The following STKLD1 variants were observed in gnomAD, a reference collection of about 807,000 sequenced individuals.
The protein encoded by STKLD1 is serine/threonine kinase like domain containing 1.
Under a neutral mutation model 80.4 loss-of-function variants are expected in STKLD1, and 79 were observed. That is an observed-to-expected ratio of 0.98 (90% CI 0.82 to 1.19). STKLD1 has a LOEUF of 1.19. Among genes scored for constraint, STKLD1 ranks in the 50% most tolerant of loss-of-function variants. The pLI, the probability that STKLD1 is intolerant of heterozygous loss-of-function variation, is 0.00. For synonymous variants in STKLD1, 393 were observed against 357.6 expected (o/e 1.10, Z -1.12); for missense variants, 841 against 856.0 (o/e 0.98, Z 0.22).
chr9:133,394,230 G>C lies in STKLD1; in HGVS notation c.584-61G>C. ...ATACAGTGCTGGGCAGGGTGACTCT[G>C]TCAAGCCCCTGCCCCCAGGGAGCAA... is the stretch of plus-strand genomic sequence containing the variant. On this transcript the variant is annotated intron_variant, in intron 7 of 17. Coordinates refer to ENST00000371957, the MANE Select transcript of STKLD1 (RefSeq NM_153710.5). The surrounding 1 kb of genome is among the most constrained non-coding windows in gnomAD (Gnocchi z 4.9). 8.5e-7 allele frequency: 1 copy of C among 1,181,076 alleles called. No individual in the cohort carries two copies. The highest frequency in any genetic ancestry group is 1.2e-5 in the South Asian group (1 of 82,228). The allele number at this position is 1,181,076 out of a possible 1,614,324, so 73.2% of individuals were successfully genotyped here.
rs1361012009 is a variant in STKLD1 at position 133,384,864 on chromosome 9, G to C, written c.220-753G>C. ...CGAGTAGCCTTTCTTTGTGTTTCTT[G>C]AATTTCCCACGAGCTTGAAGGTGTC... On this transcript the variant is annotated intron_variant, in intron 3 of 17. Transcript: ENST00000371957. This position sits in a 1 kb window ranked among gnomAD's most constrained non-coding sequence, Gnocchi z 4.3. 3 of 152,200 alleles carry C rather than the reference G, an allele frequency of 2.0e-5. No homozygotes were observed. The highest frequency in any genetic ancestry group is 6.5e-5 in the Admixed American group (1 of 15,280). The allele number at this position is 152,200 out of a possible 1,614,324, so 9.4% of individuals were successfully genotyped here.
rs782457276 is a variant in STKLD1 at position 133,405,472 on chromosome 9, G to A, written c.*51G>A. ...CTCCACGTGTATAGTTTTCAAGACTGCTCTCCTGCCTGCCTATTATCCCAT... is the reference window on the plus strand; with the variant it reads ...CTCCACGTGTATAGTTTTCAAGACTACTCTCCTGCCTGCCTATTATCCCAT... On this transcript the variant is annotated 3_prime_UTR_variant, in exon 18 of 18. Coordinates refer to ENST00000371957, the MANE Select transcript of STKLD1 (RefSeq NM_153710.5). The A allele has an allele frequency of 2.6e-6, 4 of 1,521,596 alleles. No homozygotes were observed. Among genetic ancestry groups the A allele is most frequent in the African/African-American group, 2.8e-5 (2 of 72,334 alleles). The allele number at this position is 1,521,596 out of a possible 1,614,324, so 94.3% of individuals were successfully genotyped here.
At position 133,390,739 on chromosome 9, in the gene STKLD1, C is replaced by A; in HGVS notation, c.526C>A (p.Leu176Met). The A allele has an allele frequency of 6.2e-7, 1 of 1,613,908 alleles. No individual in the cohort carries two copies. Among genetic ancestry groups the A allele is most frequent in the Non-Finnish European group, 8.5e-7 (1 of 1,179,978 alleles). The part of the protein sequence containing the change: ...ISSDHCKLQD[L>M]SSNVLMTDKA... ...CAGTGACCACTGCAAACTGCAGGAC[C>A]TGAGTTCCAATGTGCTAATGACAGA... The change falls in exon 7 of 18, where the codon CTG (leucine) becomes ATG (methionine). Residue 176 changes from leucine to methionine, a missense_variant. Coordinates refer to ENST00000371957, the MANE Select transcript of STKLD1 (RefSeq NM_153710.5). This position sits in a 1 kb window ranked among gnomAD's most constrained non-coding sequence, Gnocchi z 5.1.
In STKLD1 at chr9:133,400,474, G is replaced by C; in HGVS notation, c.1143G>C (p.Arg381Ser). The C allele has an allele frequency of 6.2e-7, 1 of 1,613,490 alleles. No homozygotes were observed. The highest frequency in any genetic ancestry group is 1.1e-5 in the South Asian group (1 of 91,086). ...TCACGACCATGGAGCTACATGACAG[G>C]GTCCTCGATGTCCAGCTGTGTGCCT... Reference protein sequence around the residue: ...VVVTTMELHDRVLDVQLCACS... With the variant: ...VVVTTMELHDSVLDVQLCACS... The change falls in exon 12 of 18, where the codon AGG becomes AGC. Residue 381 changes from arginine to serine, a missense_variant. Coordinates refer to ENST00000371957, the MANE Select transcript of STKLD1 (RefSeq NM_153710.5).
In STKLD1 at chr9:133,397,225, C is replaced by G; in HGVS notation, c.928C>G (p.Leu310Val). The G allele has an allele frequency of 6.2e-7, 1 of 1,613,988 alleles. No individual in the cohort carries two copies. ...SFKSSCVSLT[L>V]HRQMVPASIT... The stretch of plus-strand genomic sequence containing the variant: ...CAAGTCCTCGTGCGTCTCTCTGACC[C>G]TGCACCGGCAGATGGTGCCTGCGTC... Residue 310 changes from leucine to valine, a missense_variant, in exon 10 of 18, where the codon CTG (leucine) becomes GTG (valine). Physicochemically the swap from Leu to Val is conservative, Grantham distance 32. Transcript: ENST00000371957.
intron 1 of STKLD1, among the ~76,000 whole-genome samples, chr9:133,377,430 C>T (rs1478976181): frequency 2.0e-5 from 3 of 152,218 alleles, no homozygotes; most frequent in East Asian, 1.9e-4. Flanking sequence ...CTTTGGGAGG[C>T]CAAGGCGGGC....
rs1564387370 is a variant in STKLD1, at chr9:133,405,354, G to A, written c.1976G>A (p.Ser659Asn). Residue 659 changes from serine to asparagine, a missense_variant, in exon 18 of 18, where the codon AGC becomes AAC. Transcript: ENST00000371957. ...CTGGTGAGTGACAGCAGCGCCTTCA[G>A]CAAACCAGGCCTCCCTCCAGGTGGA... The part of the protein sequence containing the change: ...SSLVSDSSAF[S>N]KPGLPPGGSP... The A allele has an allele frequency of 6.2e-7, 1 of 1,612,654 alleles. No homozygotes were observed. Among genetic ancestry groups the A allele is most frequent in the Admixed American group, 1.7e-5 (1 of 60,004 alleles).
intron 5 of STKLD1, chr9:133,387,871 C>T (rs1363127855): frequency 8.0e-6 from 4 of 497,306 alleles, no homozygotes; most frequent in African/African-American, 1.9e-5. Context: ...CATGCTGCCA[C>T]TCCTGTCTGG....
chr9:133,392,623 A>ATGAG (rs1838430366), intron 7 of STKLD1, among the ~76,000 whole-genome samples: 3 of 68,834 alleles, frequency 4.4e-5, no homozygotes, highest in South Asian at 6.5e-4. Flanking sequence ...GGATGGATGG[A>ATGAG]TGGATGGATG....
chr9:133,403,391 G>A (rs1838760045), intron 14 of STKLD1, among the ~76,000 whole-genome samples: 2 of 152,142 alleles, frequency 1.3e-5, no homozygotes, highest in South Asian at 4.1e-4. Context: ...TCACAGTAGG[G>A]GGCCCCCTGG....
Position 133,379,098 on chromosome 9 carries a change from C to A in STKLD1, c.150C>A (p.Thr50=). 1 of 1,613,926 alleles carries A rather than the reference C, an allele frequency of 6.2e-7. No individual in the cohort carries two copies. The highest frequency in any genetic ancestry group is 1.3e-5 in the African/African-American group (1 of 75,030). The stretch of plus-strand genomic sequence containing the variant: ...ACCTGGTGGTGGAGGAAATGGAAAC[C>A]AAAGTCAAGCATGTGATAAAGCAGG... The part of the protein sequence containing the change: ...GVNLVVEEME[T]KVKHVIKQVE... Residue 50 remains threonine, a synonymous_variant, in exon 2 of 18, where the codon ACC becomes ACA. Coordinates refer to ENST00000371957, the MANE Select transcript of STKLD1 (RefSeq NM_153710.5).
chr9:133,398,503 G>A (rs947635173), intron 11 of STKLD1, among the ~76,000 whole-genome samples: 2 of 152,316 alleles, frequency 1.3e-5, no homozygotes, highest in African/African-American at 2.4e-5. Flanking sequence ...GCATGGCCTG[G>A]CGCAGTAGCT....
At chr9:133,403,650 G>A (rs1554778106) in intron 14 of STKLD1, 50 bp from the exon 15 acceptor site, 3 of 1,589,012 alleles carry the variant, frequency 1.9e-6, no homozygotes, top group Non-Finnish European at 2.6e-6. Context: ...AGGCCCCCCT[G>A]CACACACCCA....
At chr9:133,395,567 G>A in intron 8 of STKLD1, 33 bp from the exon 9 acceptor site, 1 of 1,600,634 alleles carries the variant, frequency 6.2e-7, no homozygotes, top group Non-Finnish European at 8.5e-7. Context: ...ATTTACTTAA[G>A]GGAATACACA....
intron 7 of STKLD1, among the ~76,000 whole-genome samples, chr9:133,392,411 G>A (rs1487493085): frequency 6.6e-6 from 1 of 151,934 alleles, no homozygotes; most frequent in Non-Finnish European, 1.5e-5. Context: ...TAGATGGGTG[G>A]GTGTGTGGTT....
chr9:133,382,501 G>T (rs1838155756), intron 2 of STKLD1, among the ~76,000 whole-genome samples: 1 of 152,032 alleles, frequency 6.6e-6, no homozygotes, highest in African/African-American at 2.4e-5. Flanking sequence ...TGGTGATGGT[G>T]GTGGCAGTGA....
chr9:133,398,024 GA>G lies in STKLD1; in HGVS notation c.1051del (p.Arg351GlyfsTer3). 6.2e-7 allele frequency: 1 copy of G among 1,613,700 alleles called. No homozygotes were observed. Among genetic ancestry groups the G allele is most frequent in the Non-Finnish European group, 8.5e-7 (1 of 1,179,936 alleles). On this transcript the variant is annotated frameshift_variant, in exon 11 of 18. Transcript: ENST00000371957. LOFTEE classifies it high-confidence loss of function. ...WPEVQLRAMKRLLKMPADQLG... is the reference protein window; with the variant it reads ...WPEVQLRAMKXLLKMPADQLG... ...CCGAAGTCCAGCTCAGGGCCATGAA[GA>G]GGCTTCTGAAAATGCCTGCAGATCA...
At chr9:133,393,582 T>C (rs1468132697) in intron 7 of STKLD1, among the ~76,000 whole-genome samples, 3 of 139,294 alleles carry the variant, frequency 2.2e-5, no homozygotes, top group Admixed American at 7.1e-5. Context: ...GGTATGTGGA[T>C]GGATGGGTGG....
In STKLD1 at chr9:133,380,337, G is replaced by A. The variant is rs146724290; in HGVS notation, c.174+1215G>A. ...TGGGATTACAGGCATGAGCCACCGCGTCCGGCCTGAGGAGCTTTTAAAAAT... is the reference window on the plus strand; with the variant it reads ...TGGGATTACAGGCATGAGCCACCGCATCCGGCCTGAGGAGCTTTTAAAAAT... On this transcript the variant is annotated intron_variant, in intron 2 of 17. Transcript: ENST00000371957. Among the ~76,000 whole-genome samples the A allele has an allele frequency of 5.3e-5, 8 of 151,254 alleles. No individual in the cohort carries two copies. In the South Asian group the frequency reaches 1.5e-3, roughly 29 times the overall value.
Sources: allele counts gnomAD v4.1 joint callset (sites outside exome capture counted in the v4.1 genomes callset), GRCh38; gene constraint gnomAD v4.1.1; non-coding constraint Gnocchi (gnomAD v3.1); transcripts MANE v1.5; gene names NCBI Gene and HGNC (gene_info 2026-07-23, HGNC 2026-07-21).